The following ZFAND4 variants were observed in gnomAD, a reference collection of about 807,000 sequenced individuals.
The protein encoded by ZFAND4 is AN1-type zinc finger protein 4.
In ZFAND4, 43 loss-of-function variants were observed where a neutral mutation model predicts 64.4. The ratio of observed to expected loss-of-function variants is 0.67; its 90% CI spans 0.52 to 0.86. The LOEUF (loss-of-function observed/expected upper bound fraction) is 0.86. Among genes scored for constraint, ZFAND4 ranks in the 40% least tolerant of loss-of-function variants. The probability of loss-of-function intolerance (pLI) is 0.00; values close to 1 mark genes in which losing one functional copy is unlikely to be tolerated. For missense variants in ZFAND4, 929 were observed against 859.8 expected, an observed-to-expected ratio of 1.08 and a Z score of -1.01; for synonymous variants, 296 against 305.7, an observed-to-expected ratio of 0.97 and a Z score of 0.33.
chr10:45,628,896 CAAAAAAAAAAAAA>C (rs74412113), intron 6 of ZFAND4, among the ~76,000 whole-genome samples: 1 of 45,470 alleles, frequency 2.2e-5, no homozygotes, highest in Admixed American at 2.3e-4. Context: ...GGAGCTTCAC[CAAAAAAAAAAAAA>C]AAAAAAAAGG....
Position 45,626,789 on chromosome 10 carries a change from TC to T in ZFAND4, c.1033del (p.Glu345SerfsTer27). The T allele has an allele frequency of 6.2e-7, 1 of 1,614,186 alleles. No individual in the cohort carries two copies. Among genetic ancestry groups the T allele is most frequent in the South Asian group, 1.1e-5 (1 of 91,086 alleles). ...VKLPPQIPHL[E>X]LGNDQELADS... is the part of the protein sequence containing the mutation. ...AGCAAGCTCCTGGTCATTTCCCAAC[TC>T]CAAATGGGGTATCTGAGGAGGTAGT... On this transcript the variant is annotated frameshift_variant, in exon 7 of 10. Coordinates refer to ENST00000344646, the MANE Select transcript of ZFAND4 (RefSeq NM_174890.4). LOFTEE classifies it high-confidence loss of function.
At chr10:45,642,487 G>C (rs2047076223) in intron 5 of ZFAND4, among the ~76,000 whole-genome samples, 1 of 151,298 alleles carries the variant, frequency 6.6e-6, no homozygotes, top group Non-Finnish European at 1.5e-5. Flanking sequence ...GGTGCCTGTA[G>C]TCCCAGCTAC....
chr10:45,649,711 A>G (rs1464365072), intron 4 of ZFAND4: 1 of 152,352 alleles, frequency 6.6e-6, no homozygotes, highest in Admixed American at 6.5e-5. Context: ...ATTAAAAGAC[A>G]CTTTTCAAAC....
chr10:45,640,320 C>A, intron 5 of ZFAND4: 1 of 1,246,728 alleles, frequency 8.0e-7, no homozygotes, highest in South Asian at 1.4e-5. Context: ...GATAATTGTG[C>A]AACCCAGACA....
chr10:45,636,388 C>A (rs572454929), intron 6 of ZFAND4, among the ~76,000 whole-genome samples: 17 of 152,244 alleles, frequency 1.1e-4, no homozygotes, highest in African/African-American at 3.4e-4. Flanking sequence ...GTAATCCCAG[C>A]ACTTTGGGAG....
chr10:45,643,584 C>T (rs1029655732), intron 5 of ZFAND4, among the ~76,000 whole-genome samples: 9 of 149,354 alleles, frequency 6.0e-5, no homozygotes, highest in African/African-American at 1.2e-4. Flanking sequence ...GCAAGAGAAT[C>T]GCTTGAATCT....
chr10:45,657,050 A>G (rs1172911331), intron 2 of ZFAND4, among the ~76,000 whole-genome samples: 1 of 146,006 alleles, frequency 6.8e-6, no homozygotes, highest in African/African-American at 2.6e-5. Flanking sequence ...GGTCTCATCC[A>G]TTGCCCAGGC....
chr10:45,624,583 C>T lies in ZFAND4; in HGVS notation c.1927G>A (p.Gly643Arg). Residue 643 changes from glycine (G) to arginine (R), a missense_variant and splice_region_variant, in exon 8 of 10, where the codon GGA becomes AGA. Gly to Arg is a moderately radical substitution (Grantham distance 125). Transcript: ENST00000344646. ...GNNAAAGKSV[G>R]ECTTHHLPPV... ...GTTTTCAAAATTATCTGTAGCTTAC[C>T]TACGCTTTTCCCTGCTGCTGCATTA... The T allele has an allele frequency of 6.2e-7, 1 of 1,613,626 alleles. No individual in the cohort carries two copies. The highest frequency in any genetic ancestry group is 8.5e-7 in the Non-Finnish European group (1 of 1,179,768).
chr10:45,625,825 T>C (rs553418026), intron 7 of ZFAND4, 126 bp downstream of exon 7: 212 of 963,788 alleles, frequency 2.2e-4, no homozygotes, highest in Non-Finnish European at 3.0e-4. Flanking sequence ...ATAAACATTT[T>C]CAGATAAATT....
rs72798235 is a variant in ZFAND4 at position 45,663,558 on chromosome 10, T to C, written c.168A>G (p.Lys56=). Residue 56 remains lysine, a synonymous_variant, in exon 2 of 10, where the codon AAA becomes AAG. Transcript: ENST00000344646. ...GATGAGTACCTTCCAATCTTCGAAT[T>C]TTTGCTTTCACAGAAATAACAGTTT... ...PFETVISVKA[K]IRRLEGIPIC... The C allele has an allele frequency of 5.0e-6, 8 of 1,591,244 alleles. No individual in the cohort carries two copies. Among genetic ancestry groups the C allele is most frequent in the Non-Finnish European group, 6.0e-6 (7 of 1,173,852 alleles).
intron 8 of ZFAND4, among the ~76,000 whole-genome samples, chr10:45,621,468 C>T (rs966007570): frequency 3.3e-5 from 5 of 150,042 alleles, no homozygotes; most frequent in African/African-American, 9.8e-5. Context: ...TAAGGCCAGG[C>T]GCAGTGGCTC....
At chr10:45,648,260 G>T in intron 5 of ZFAND4, 34 bp downstream of exon 5, 2 of 1,540,812 alleles carry the variant, frequency 1.3e-6, no homozygotes, top group South Asian at 2.6e-5. Flanking sequence ...AGATTATTTT[G>T]ACAACACAAG....
intron 1 of ZFAND4, among the ~76,000 whole-genome samples, chr10:45,665,253 T>C (rs1240845576): frequency 2.0e-5 from 3 of 151,920 alleles, no homozygotes; most frequent in African/African-American, 4.8e-5. Context: ...AATAGCTTTA[T>C]TGAGGGCCAG....
intron 2 of ZFAND4, among the ~76,000 whole-genome samples, chr10:45,656,634 G>A (rs1178663140): frequency 1.3e-5 from 2 of 150,948 alleles, no homozygotes; most frequent in Non-Finnish European, 3.0e-5. Flanking sequence ...TTGAAAAGAC[G>A]CTTCACCAAA....
At chr10:45,632,787 T>G (rs1381493193) in intron 6 of ZFAND4, among the ~76,000 whole-genome samples, 1 of 152,164 alleles carries the variant, frequency 6.6e-6, no homozygotes, top group Non-Finnish European at 1.5e-5. Flanking sequence ...TGAAGTCATA[T>G]CAATAAATAT....
chr10:45,616,272 A>G lies in ZFAND4; in HGVS notation c.*164T>C. ...AAAACTTTTGTTTCACCAAGAAATA[A>G]AGATGTAAAATACAGTAGCATTCTT... On this transcript the variant is annotated 3_prime_UTR_variant, in exon 10 of 10. Transcript: ENST00000344646. The G allele has an allele frequency of 1.1e-6, 1 of 926,550 alleles. No individual in the cohort carries two copies. Among genetic ancestry groups the G allele is most frequent in the East Asian group, 2.9e-5 (1 of 34,590 alleles). 57.4% of individuals were successfully genotyped at this position (926,550 alleles called of 1,614,324 possible).
chr10:45,625,811 CTAAA>C lies in ZFAND4; in HGVS notation c.1872+136_1872+139del, dbSNP rs754388256. On this transcript the variant is annotated intron_variant, in intron 7 of 9. Coordinates refer to ENST00000344646, the MANE Select transcript of ZFAND4 (RefSeq NM_174890.4). ...TTCGACTATCAAGATTTTATACAAACTAAATAAACATTTTCAGATAAATTTATGA... is the reference window on the plus strand; with the variant it reads ...TTCGACTATCAAGATTTTATACAAACTAAACATTTTCAGATAAATTTATGA... The C allele has an allele frequency of 4.5e-6, 4 of 893,974 alleles. No individual in the cohort carries two copies. In the African/African-American group the frequency reaches 5.1e-5, roughly 11 times the overall value. The allele number at this position is 893,974 out of a possible 1,614,324, so 55.4% of individuals were successfully genotyped here.
At chr10:45,628,826 G>C (rs961615012) in intron 6 of ZFAND4, among the ~76,000 whole-genome samples, 24 of 129,222 alleles carry the variant, frequency 1.9e-4, no homozygotes, top group Non-Finnish European at 3.2e-4. Flanking sequence ...CCCAATCCAA[G>C]AAACTCATCT....
chr10:45,648,997 G>C, intron 4 of ZFAND4: 1 of 983,576 alleles, frequency 1.0e-6, no homozygotes, highest in Non-Finnish European at 1.2e-6. Flanking sequence ...GGCCGGGTGC[G>C]GTGGCTCATG....
Sources: allele counts gnomAD v4.1 joint callset (sites outside exome capture counted in the v4.1 genomes callset), GRCh38; gene constraint gnomAD v4.1.1; transcripts MANE v1.5; gene names NCBI Gene and HGNC (gene_info 2026-07-23, HGNC 2026-07-21).